The following XKR9 variants were observed in gnomAD, a reference collection of about 807,000 sequenced individuals.
XKR9 encodes XK related 9.
XKR9 carries 32 observed loss-of-function variants against 32.0 expected under a neutral mutation model. The observed-to-expected ratio is 1.00, with a 90% CI of 0.76 to 1.34. XKR9 has a LOEUF of 1.34. XKR9 is among the 40% of genes most tolerant of loss of function. XKR9 has a pLI of 0.00. For synonymous variants in XKR9, 168 were observed against 143.4 expected (o/e 1.17, Z -1.22); for missense variants, 546 against 429.7 (o/e 1.27, Z -2.39).
At chr8:71,032,300 A>AAAAC in the XKR9 span, among the ~76,000 whole-genome samples, 4 of 148,934 alleles carry the variant, frequency 2.7e-5, no homozygotes, top group Non-Finnish European at 3.0e-5. Context: ...AAAAAAAAAA[A>AAAAC]AAAAAAAACC....
At chr8:70,778,248 G>C (rs948709116) in intron 2 of XKR9, among the ~76,000 whole-genome samples, 1 of 152,188 alleles carries the variant, frequency 6.6e-6, no homozygotes, top group Admixed American at 6.5e-5. Context: ...TCAAAGATCA[G>C]ATGGTTGTAG....
chr8:71,005,386 C>T, the XKR9 span, among the ~76,000 whole-genome samples: 2 of 151,684 alleles, frequency 1.3e-5, no homozygotes, highest in Non-Finnish European at 2.9e-5. Flanking sequence ...CCACACCCAG[C>T]TAATTTGTTG....
intron 3 of XKR9, among the ~76,000 whole-genome samples, chr8:70,703,505 G>T (rs1333227028): frequency 1.3e-5 from 2 of 152,044 alleles, no homozygotes; most frequent in African/African-American, 2.4e-5. Context: ...GCTCTCTAGG[G>T]CCTCTTTTAT....
chr8:70,791,309 A>G (rs1435459359), downstream of XKR9, among the ~76,000 whole-genome samples: 1 of 151,532 alleles, frequency 6.6e-6, no homozygotes, highest in Non-Finnish European at 1.5e-5. Flanking sequence ...CCCTCATCTC[A>G]CTTAAAAAAA....
chr8:70,679,537 G>C (rs555921167), intron 2 of XKR9, among the ~76,000 whole-genome samples: 2 of 152,320 alleles, frequency 1.3e-5, no homozygotes, highest in East Asian at 3.9e-4. Context: ...TGAAATGCCT[G>C]AAATGGGCCA....
the XKR9 span, among the ~76,000 whole-genome samples, chr8:70,992,881 G>A: frequency 6.6e-6 from 1 of 152,232 alleles, no homozygotes; most frequent in East Asian, 1.9e-4. Context: ...TGAGACACTA[G>A]CAGTAGCTGG....
chr8:70,796,980 G>A, the XKR9 span, among the ~76,000 whole-genome samples: 1 of 152,092 alleles, frequency 6.6e-6, no homozygotes, highest in African/African-American at 2.4e-5. Context: ...CTTCTGAAAG[G>A]TAATTGGAGA....
rs143089338 is a variant in XKR9, at chr8:70,682,583, G to A, written c.272+1253G>A. Reference sequence around the variant, plus strand: ...TACACATTGTATACAAAAGATGATAGAAGTTTCAAATGCTACTGTTTTGCT... The same window carrying A: ...TACACATTGTATACAAAAGATGATAAAAGTTTCAAATGCTACTGTTTTGCT... On this transcript the variant is annotated intron_variant, in intron 3 of 4. Transcript: ENST00000408926. 2.6e-4 allele frequency among the ~76,000 whole-genome samples: 39 copies of A among 152,260 alleles called. 1 individual carries two copies. In the East Asian group the frequency reaches 6.4e-3, roughly 25 times the overall value.
the XKR9 span, among the ~76,000 whole-genome samples, chr8:70,882,043 C>G: frequency 6.6e-6 from 1 of 151,956 alleles, no homozygotes; most frequent in Admixed American, 6.6e-5. Context: ...TGTTCTCACT[C>G]ATAGGTGGGA....
At chr8:70,844,854 T>C in the XKR9 span, among the ~76,000 whole-genome samples, 1 of 152,170 alleles carries the variant, frequency 6.6e-6, no homozygotes, top group East Asian at 1.9e-4. Context: ...CCAAGGGATG[T>C]CCCCCCACTG....
At chr8:70,909,176 A>G in the XKR9 span, among the ~76,000 whole-genome samples, 710 of 152,182 alleles carry the variant, frequency 4.7e-3, 19 homozygotes, top group Admixed American at 0.038. Context: ...TAAACCTTCC[A>G]ATGGCTTCCA....
At chr8:70,841,515 C>T in the XKR9 span, among the ~76,000 whole-genome samples, 1 of 152,186 alleles carries the variant, frequency 6.6e-6, no homozygotes, top group African/African-American at 2.4e-5. Context: ...AAGTTTCACT[C>T]ATTGCCTCAT....
At chr8:70,911,492 A>G in the XKR9 span, among the ~76,000 whole-genome samples, 1 of 152,216 alleles carries the variant, frequency 6.6e-6, no homozygotes, top group Admixed American at 6.5e-5. Context: ...AGTGCTGAAG[A>G]TAAAATAATG....
downstream of XKR9, among the ~76,000 whole-genome samples, chr8:70,791,899 A>T (rs1451295627): frequency 6.6e-6 from 1 of 152,012 alleles, no homozygotes; most frequent in East Asian, 1.9e-4. Context: ...TCATTTATAA[A>T]CTCTACAAGA....
the XKR9 span, among the ~76,000 whole-genome samples, chr8:70,939,352 T>C: frequency 6.6e-6 from 1 of 152,156 alleles, no homozygotes; most frequent in Non-Finnish European, 1.5e-5. Context: ...GTTGAGTTAA[T>C]GGATCATAGT....
chr8:70,875,691 A>C, the XKR9 span, among the ~76,000 whole-genome samples: 1 of 152,172 alleles, frequency 6.6e-6, no homozygotes, highest in African/African-American at 2.4e-5. Context: ...CAAGATCAAC[A>C]TACTCCATTT....
At chr8:70,899,222 T>C in the XKR9 span, among the ~76,000 whole-genome samples, 2 of 152,206 alleles carry the variant, frequency 1.3e-5, no homozygotes, top group Non-Finnish European at 2.9e-5. Context: ...CATGCTTTTC[T>C]TTAAGTTTAT....
the XKR9 span, among the ~76,000 whole-genome samples, chr8:71,004,156 C>T: frequency 1.3e-5 from 2 of 152,244 alleles, no homozygotes; most frequent in East Asian, 3.9e-4. Flanking sequence ...GAATCATGAA[C>T]TTCCATTGAG....
chr8:70,846,120 T>C, the XKR9 span, among the ~76,000 whole-genome samples: 1 of 152,220 alleles, frequency 6.6e-6, no homozygotes, highest in African/African-American at 2.4e-5. Flanking sequence ...AGAAATCTTA[T>C]AGGCCAAGAA....
Sources: gnomAD v4.1 joint callset for allele counts (sites outside exome capture counted in the v4.1 genomes callset) on GRCh38, gnomAD v4.1.1 for gene constraint, MANE v1.5 for transcripts, NCBI Gene and HGNC (gene_info 2026-07-23, HGNC 2026-07-21) for gene names.